PCED1B: variants seen among roughly 807,000 people sequenced by gnomAD.
The protein encoded by PCED1B is PC-esterase domain-containing protein 1B.
For missense variants in PCED1B, 573 were observed against 573.9 expected, an observed-to-expected ratio of 1.00 and a Z score of 0.02; for synonymous variants, 251 against 246.1, an observed-to-expected ratio of 1.02 and a Z score of -0.19.
At chr12:47,150,905 G>A (rs1592205941) in intron 2 of PCED1B, among the ~76,000 whole-genome samples, 2 of 152,158 alleles carry the variant, frequency 1.3e-5, no homozygotes, top group Admixed American at 1.3e-4. Context: ...AAGTCCTGGA[G>A]AATTTTGGCC....
At chr12:47,107,794 C>A (rs1364293176) in intron 2 of PCED1B, among the ~76,000 whole-genome samples, 2 of 152,150 alleles carry the variant, frequency 1.3e-5, no homozygotes, top group Non-Finnish European at 2.9e-5. Flanking sequence ...ACAATGTCCC[C>A]CTAAGGAGGA....
chr12:47,134,612 G>A (rs767663623), intron 2 of PCED1B, among the ~76,000 whole-genome samples: 4 of 152,200 alleles, frequency 2.6e-5, no homozygotes, highest in Non-Finnish European at 5.9e-5. Context: ...GCTCATGCCT[G>A]TAATCCCAGC....
intron 2 of PCED1B, among the ~76,000 whole-genome samples, chr12:47,177,455 A>G (rs1303716531): frequency 6.6e-6 from 1 of 152,116 alleles, no homozygotes; most frequent in Admixed American, 6.5e-5. Flanking sequence ...TCACCCTCAC[A>G]CTAAACCCAT....
intron 2 of PCED1B, chr12:47,138,270 A>G (rs1940464558): frequency 1.3e-5 from 2 of 152,228 alleles, no homozygotes; most frequent in African/African-American, 4.8e-5. Flanking sequence ...ACATGGGAAG[A>G]CAAAGGGAGT....
chr12:47,191,720 C>T lies in PCED1B; in HGVS notation c.-525-24502C>T, dbSNP rs568368920. 1.6e-4 allele frequency among the ~76,000 whole-genome samples: 24 copies of T among 152,256 alleles called. No homozygotes were observed. The South Asian group carries it at 4.8e-3, about 30-fold the overall frequency. On this transcript the variant is annotated intron_variant, in intron 2 of 3. Transcript: ENST00000546455. ...TAAAGCTGGACACCTGGGCTGCTCA[C>T]CCTGAGGAATTGAGGCAGAATCGCT... is the stretch of plus-strand genomic sequence containing the variant.
intron 2 of PCED1B, among the ~76,000 whole-genome samples, chr12:47,117,372 AGT>A (rs1244931680): frequency 1.3e-5 from 2 of 151,456 alleles, no homozygotes; most frequent in Admixed American, 6.6e-5. Context: ...GACAGGCCCC[AGT>A]GTGTGATGTT....
At chr12:47,085,655 A>G (rs1937943854) in intron 1 of PCED1B, among the ~76,000 whole-genome samples, 1 of 152,174 alleles carries the variant, frequency 6.6e-6, no homozygotes, top group African/African-American at 2.4e-5. Context: ...GAAAAAATAT[A>G]TATGTATGTT....
At chr12:47,189,840 T>C (rs1689087412) in intron 2 of PCED1B, among the ~76,000 whole-genome samples, 2 of 152,208 alleles carry the variant, frequency 1.3e-5, no homozygotes, top group Middle Eastern at 3.2e-3. Context: ...ATGCATATCC[T>C]TGAAACTTCC....
intron 2 of PCED1B, among the ~76,000 whole-genome samples, chr12:47,199,951 A>G (rs1942715367): frequency 6.6e-6 from 1 of 152,208 alleles, no homozygotes; most frequent in African/African-American, 2.4e-5. Flanking sequence ...AGACAGGGAG[A>G]AAATATTTGC....
intron 2 of PCED1B, among the ~76,000 whole-genome samples, chr12:47,160,252 G>A (rs1036116745): frequency 2.0e-5 from 3 of 146,824 alleles, no homozygotes; most frequent in Non-Finnish European, 4.5e-5. Context: ...GTTGTTGTTG[G>A]CTGTTTTTCT....
intron 2 of PCED1B, among the ~76,000 whole-genome samples, chr12:47,195,180 TC>T (rs1942565414): frequency 6.6e-6 from 1 of 151,790 alleles, no homozygotes; most frequent in Non-Finnish European, 1.5e-5. Context: ...AATACAAAAA[TC>T]AGCCGAGCAT....
intron 2 of PCED1B, among the ~76,000 whole-genome samples, chr12:47,200,058 G>A (rs1942717868): frequency 6.6e-6 from 1 of 152,136 alleles, no homozygotes; most frequent in African/African-American, 2.4e-5. Flanking sequence ...AAATTAGCCA[G>A]GTATGGTGGC....
chr12:47,124,011 T>G (rs1003369232), intron 2 of PCED1B, among the ~76,000 whole-genome samples: 8 of 152,066 alleles, frequency 5.3e-5, no homozygotes, highest in Non-Finnish European at 1.2e-4. Context: ...CTTACATTTT[T>G]AACAACTTCA....
At chr12:47,196,887 C>T (rs1422593552) in intron 2 of PCED1B, among the ~76,000 whole-genome samples, 1 of 151,420 alleles carries the variant, frequency 6.6e-6, no homozygotes, top group Non-Finnish European at 1.5e-5. Context: ...ATAAAATTAA[C>T]AGAAAAATAA....
intron 3 of PCED1B, among the ~76,000 whole-genome samples, chr12:47,229,487 A>G (rs986786923): frequency 2.6e-5 from 4 of 152,110 alleles, no homozygotes; most frequent in Non-Finnish European, 5.9e-5. Flanking sequence ...GGGTGATTTC[A>G]GAATATTTGC....
At chr12:47,211,919 C>CA (rs1336419940) in intron 2 of PCED1B, among the ~76,000 whole-genome samples, 1 of 150,456 alleles carries the variant, frequency 6.6e-6, no homozygotes, top group African/African-American at 2.4e-5. Flanking sequence ...ACTAAAAATA[C>CA]AAAAAATTAG....
chr12:47,233,690 T>C (rs1943881864), intron 3 of PCED1B, among the ~76,000 whole-genome samples: 1 of 152,140 alleles, frequency 6.6e-6, no homozygotes. Context: ...GGGAAGGGTG[T>C]TTACCTTCCT....
In PCED1B at chr12:47,181,359, T is replaced by C. The variant is rs1209961695; in HGVS notation, c.-525-34863T>C. 2.0e-5 allele frequency among the ~76,000 whole-genome samples: 3 copies of C among 147,748 alleles called. No individual in the cohort carries two copies. The East Asian group carries it at 6.2e-4, about 31-fold the overall frequency. Reference sequence around the variant, plus strand: ...TATTAGAAAGAATATTAGAATGAGATAGATTCTTTCATTATTTTTTTTTTT... The same window carrying C: ...TATTAGAAAGAATATTAGAATGAGACAGATTCTTTCATTATTTTTTTTTTT... On this transcript the variant is annotated intron_variant, in intron 2 of 3. Transcript: ENST00000546455.
intron 2 of PCED1B, among the ~76,000 whole-genome samples, chr12:47,134,222 T>C (rs1315662981): frequency 2.0e-5 from 3 of 152,150 alleles, no homozygotes; most frequent in African/African-American, 7.2e-5. Context: ...GAAAAGGAGA[T>C]TTGGAAAGTG....
Sources: allele counts gnomAD v4.1 joint callset (sites outside exome capture counted in the v4.1 genomes callset), GRCh38; gene constraint gnomAD v4.1.1; transcripts MANE v1.5; gene names NCBI Gene and HGNC (gene_info 2026-07-23, HGNC 2026-07-21).